PXN: variants seen among roughly 807,000 people sequenced by gnomAD.
The protein encoded by PXN is paxillin, also known as testicular tissue protein Li 134.
Under a neutral mutation model 103.6 loss-of-function variants are expected in PXN, and 61 were observed. The observed-to-expected ratio is 0.59, with a 90% CI of 0.48 to 0.73. The LOEUF (loss-of-function observed/expected upper bound fraction) is 0.73, where lower values mean the gene tolerates loss of function less well. Ranked by LOEUF, PXN falls within the 30% of genes least tolerant of loss-of-function variation. The pLI, the probability that PXN is intolerant of heterozygous loss-of-function variation, is 0.00. For missense variants in PXN, 1,274 were observed against 1,460.3 expected, an observed-to-expected ratio of 0.87 and a Z score of 2.08; for synonymous variants, 562 against 607.8, an observed-to-expected ratio of 0.92 and a Z score of 1.11.
rs1408636019 is a variant in PXN at position 120,224,125 on chromosome 12, C to T, written c.240+26G>A. On this transcript the variant is annotated intron_variant, in intron 2 of 14. Coordinates refer to ENST00000637617, the MANE Select transcript of PXN (RefSeq NM_001385981.1). This position sits in a 1 kb window ranked among gnomAD's most constrained non-coding sequence, Gnocchi z 5.0. ...CCCTCTGTCCCCCAGCCTCCTTGGC[C>T]TTCCCAGCCACTGTCCCCGCCTCAC... is the stretch of plus-strand genomic sequence containing the variant. 1.3e-6 allele frequency: 2 copies of T among 1,503,360 alleles called. No individual in the cohort carries two copies. Among genetic ancestry groups the T allele is most frequent in the Admixed American group, 4.1e-5 (2 of 48,814 alleles). 93.1% of individuals were successfully genotyped at this position (1,503,360 alleles called of 1,614,324 possible). A position where few individuals can be genotyped will look rare whatever the true frequency, so the allele number is the denominator to read the frequency against.
At position 120,223,760 on chromosome 12, in the gene PXN, C is replaced by A; in HGVS notation, c.314G>T (p.Gly105Val). The change falls in exon 3 of 15, where the codon GGC becomes GTC. Residue 105 changes from glycine (G) to valine (V), a missense_variant. Around this residue, in one of 2 missense-constraint regions of PXN, gnomAD observed 1,178 missense variants for 1,309.0 expected, o/e 0.90. Transcript: ENST00000637617. ...SSVSNPQDSV[G>V]SPCSRVGEEE... The stretch of plus-strand genomic sequence containing the variant: ...CTCACCCACTCGGGAGCACGGAGAG[C>A]CAACACTGTCCTGAGGGTTGGAGAC... 1 of 1,608,786 alleles carries A rather than the reference C, an allele frequency of 6.2e-7. No individual in the cohort carries two copies. The highest frequency in any genetic ancestry group is 1.7e-5 in the Admixed American group (1 of 59,296).
chr12:120,241,111 G>A (rs775911198), intron 1 of PXN, among the ~76,000 whole-genome samples: 3 of 152,172 alleles, frequency 2.0e-5, no homozygotes, highest in African/African-American at 4.8e-5. Flanking sequence ...ACTACTCTGG[G>A]GAGAGATCCC....
chr12:120,211,670 AT>A lies in PXN; in HGVS notation c.*643del, dbSNP rs2136147126. On this transcript the variant is annotated 3_prime_UTR_variant, in exon 15 of 15. Coordinates refer to ENST00000637617, the MANE Select transcript of PXN (RefSeq NM_001385981.1). ...ACGGAGGAAGTGACTAGAAAACATT[AT>A]TGCTGGAGAGGCTTTTCTCAGTAGA... 1 of 311,720 alleles carries A rather than the reference AT, an allele frequency of 3.2e-6. No individual in the cohort carries two copies. Among genetic ancestry groups the A allele is most frequent in the African/African-American group, 2.2e-5 (1 of 46,446 alleles). 19.3% of individuals were successfully genotyped at this position (311,720 alleles called of 1,614,324 possible). A position where few individuals can be genotyped will look rare whatever the true frequency, so the allele number is the denominator to read the frequency against.
Position 120,212,805 on chromosome 12 carries a change from A to T in PXN, c.2980-225T>A, listed in dbSNP as rs1880713951. On this transcript the variant is annotated intron_variant, in intron 14 of 14. Coordinates refer to ENST00000637617, the MANE Select transcript of PXN (RefSeq NM_001385981.1). This position sits in a 1 kb window ranked among gnomAD's most constrained non-coding sequence, Gnocchi z 7.2. ...TCACTATATTGCCCATGCTGGTCAA[A>T]TGTGGCCTCCTGCAATCCTCCCACC... is the stretch of plus-strand genomic sequence containing the variant. 2 of 454,124 alleles carry T rather than the reference A, an allele frequency of 4.4e-6. No individual in the cohort carries two copies. The highest frequency in any genetic ancestry group is 7.7e-6 in the Non-Finnish European group (2 of 260,916). 28.1% of individuals were successfully genotyped at this position (454,124 alleles called of 1,614,324 possible).
intron 1 of PXN, among the ~76,000 whole-genome samples, chr12:120,253,867 ATATT>A (rs754474904): frequency 6.6e-6 from 1 of 152,012 alleles, no homozygotes; most frequent in Non-Finnish European, 1.5e-5. Context: ...CTATATACAT[ATATT>A]TATTTATTTA....
At position 120,216,009 on chromosome 12, in the gene PXN, A is replaced by C; in HGVS notation, c.2301+264T>G. 3.0e-6 allele frequency: 4 copies of C among 1,331,164 alleles called. No individual in the cohort carries two copies. The highest frequency in any genetic ancestry group is 3.3e-5 in the Admixed American group (1 of 30,138). The allele number at this position is 1,331,164 out of a possible 1,614,324, so 82.5% of individuals were successfully genotyped here. A position where few individuals can be genotyped will look rare whatever the true frequency, so the allele number is the denominator to read the frequency against. On this transcript the variant is annotated intron_variant, in intron 9 of 14. Coordinates refer to ENST00000637617, the MANE Select transcript of PXN (RefSeq NM_001385981.1). This position sits in a 1 kb window ranked among gnomAD's most constrained non-coding sequence, Gnocchi z 5.1. ...TGGAGTGGCTTCTTTCCTCGATGGG[A>C]GCCCGGGGCAGTACTGAGGACCAGT...
chr12:120,216,441 G>A lies in PXN; in HGVS notation c.2133C>T (p.Ser711=). 6 of 1,378,920 alleles carry A rather than the reference G, an allele frequency of 4.4e-6. No individual in the cohort carries two copies. Among genetic ancestry groups the A allele is most frequent in the South Asian group, 1.8e-5 (1 of 56,938 alleles). 85.4% of individuals were successfully genotyped at this position (1,378,920 alleles called of 1,614,324 possible). A position where few individuals can be genotyped will look rare whatever the true frequency, so the allele number is the denominator to read the frequency against. The part of the protein sequence containing the change: ...SSPLPSLLAS[S]PLGPSAYTCG... ...AGGTATAAGCTGAGGGCCCCAGGGG[G>A]GAGGAGGCGAGCAGGCTGGGCAGGG... The change falls in exon 9 of 15, where the codon TCC becomes TCT. Residue 711 remains serine, a synonymous_variant. Coordinates refer to ENST00000637617, the MANE Select transcript of PXN (RefSeq NM_001385981.1). This position sits in a 1 kb window ranked among gnomAD's most constrained non-coding sequence, Gnocchi z 5.1.
At chr12:120,245,445 AC>A (rs1890903379) in intron 1 of PXN, among the ~76,000 whole-genome samples, 1 of 151,898 alleles carries the variant, frequency 6.6e-6, no homozygotes, top group African/African-American at 2.4e-5. Flanking sequence ...AAAAAAAAAA[AC>A]AAAACAATGT....
At position 120,222,105 on chromosome 12, in the gene PXN, A is replaced by G. The variant is rs967081968; in HGVS notation, c.696-347T>C. Reference sequence around the variant, plus strand: ...AGAGCTCGCGTGTTGGGCACTCACCATGTGTGCCACGCACTACACACCAGA... The same window carrying G: ...AGAGCTCGCGTGTTGGGCACTCACCGTGTGTGCCACGCACTACACACCAGA... On this transcript the variant is annotated intron_variant, in intron 5 of 14. Coordinates refer to ENST00000637617, the MANE Select transcript of PXN (RefSeq NM_001385981.1). This position sits in a 1 kb window ranked among gnomAD's most constrained non-coding sequence, Gnocchi z 4.7. Among the ~76,000 whole-genome samples, 11 of 152,178 alleles carry G rather than the reference A, an allele frequency of 7.2e-5. No individual in the cohort carries two copies. Among genetic ancestry groups the G allele is most frequent in the African/African-American group, 2.7e-4 (11 of 41,434 alleles).
Position 120,212,664 on chromosome 12 carries a change from C to T in PXN, c.2980-84G>A, listed in dbSNP as rs562212125. 2.6e-5 allele frequency: 39 copies of T among 1,506,016 alleles called. No homozygotes were observed. The African/African-American group carries it at 3.1e-4, about 12-fold the overall frequency. 93.3% of individuals were successfully genotyped at this position (1,506,016 alleles called of 1,614,324 possible). On this transcript the variant is annotated intron_variant, in intron 14 of 14. Transcript: ENST00000637617. This position sits in a 1 kb window ranked among gnomAD's most constrained non-coding sequence, Gnocchi z 7.2. Reference sequence around the variant, plus strand: ...GTGATGGGGCCGAGGTGGGCATAGTCGGCACGCTCGGAGTGACTCCTACTT... The same window carrying T: ...GTGATGGGGCCGAGGTGGGCATAGTTGGCACGCTCGGAGTGACTCCTACTT...
At chr12:120,247,919 G>C (rs1891444780) in intron 1 of PXN, 1 of 152,144 alleles carries the variant, frequency 6.6e-6, no homozygotes, top group Non-Finnish European at 1.5e-5. Context: ...GAGGTAAAGA[G>C]GGACATTTCA....
In PXN at chr12:120,221,032, T is replaced by TA. The variant is rs1380649149; in HGVS notation, c.831+590dup. 6.6e-6 allele frequency among the ~76,000 whole-genome samples: 1 copy of TA among 152,072 alleles called. No homozygotes were observed. Among genetic ancestry groups the TA allele is most frequent in the East Asian group, 1.9e-4 (1 of 5,178 alleles). On this transcript the variant is annotated intron_variant, in intron 6 of 14. Coordinates refer to ENST00000637617, the MANE Select transcript of PXN (RefSeq NM_001385981.1). The surrounding 1 kb of genome is among the most constrained non-coding windows in gnomAD (Gnocchi z 6.6). The stretch of plus-strand genomic sequence containing the variant: ...CCCAGCAGGGGAGGGGAAGGGCAGG[T>TA]ACCTCGTGCAAGCCTGGCCCCATGG...
At position 120,219,156 on chromosome 12, in the gene PXN, A is replaced by C; in HGVS notation, c.1716+51T>G. On this transcript the variant is annotated intron_variant, in intron 7 of 14. Coordinates refer to ENST00000637617, the MANE Select transcript of PXN (RefSeq NM_001385981.1). The surrounding 1 kb of genome is among the most constrained non-coding windows in gnomAD (Gnocchi z 6.5). Reference sequence around the variant, plus strand: ...ATGCAGTTAGCGAGGAGCGGCCCACACTCAGACCCGCCAATGGCCATGCCC... The same window carrying C: ...ATGCAGTTAGCGAGGAGCGGCCCACCCTCAGACCCGCCAATGGCCATGCCC... The C allele has an allele frequency of 6.8e-7, 1 of 1,475,056 alleles. No individual in the cohort carries two copies. Among genetic ancestry groups the C allele is most frequent in the Non-Finnish European group, 9.0e-7 (1 of 1,112,980 alleles). 91.4% of individuals were successfully genotyped at this position (1,475,056 alleles called of 1,614,324 possible). A position where few individuals can be genotyped will look rare whatever the true frequency, so the allele number is the denominator to read the frequency against.
rs1384753329 is a variant in PXN at position 120,244,849 on chromosome 12, AAAAT to A, written c.14-20476_14-20473del. Among the ~76,000 whole-genome samples, 40 of 151,784 alleles carry A rather than the reference AAAAT, an allele frequency of 2.6e-4. 1 individual carries two copies. In the East Asian group the frequency reaches 7.5e-3, roughly 29 times the overall value. On this transcript the variant is annotated intron_variant, in intron 1 of 14. Coordinates refer to ENST00000637617, the MANE Select transcript of PXN (RefSeq NM_001385981.1). ...AACAAATAAATAAATAAAATAAAAT[AAAAT>A]AAATAATAAATAATAAAAAAAAATC... is the stretch of plus-strand genomic sequence containing the variant.
At chr12:120,258,194 A>G (rs1014767157) in intron 1 of PXN, among the ~76,000 whole-genome samples, 7 of 107,582 alleles carry the variant, frequency 6.5e-5, no homozygotes, top group African/African-American at 2.0e-4. Context: ...CTCCGTCTCA[A>G]AAAAAAAAAA....
rs1029587905 is a variant in PXN at position 120,216,966 on chromosome 12, T to C, written c.1867A>G (p.Ile623Val). 1.3e-6 allele frequency: 2 copies of C among 1,538,704 alleles called. No homozygotes were observed. The highest frequency in any genetic ancestry group is 1.2e-5 in the South Asian group (1 of 84,454). The change falls in exon 8 of 15, where the codon ATC becomes GTC. Residue 623 changes from isoleucine (I) to valine (V), a missense_variant. Physicochemically the swap from Ile to Val is conservative, Grantham distance 29. Around this residue, in one of 2 missense-constraint regions of PXN, gnomAD observed 1,178 missense variants for 1,309.0 expected, o/e 0.90. Coordinates refer to ENST00000637617, the MANE Select transcript of PXN (RefSeq NM_001385981.1). This position sits in a 1 kb window ranked among gnomAD's most constrained non-coding sequence, Gnocchi z 5.1. Reference protein sequence around the residue: ...LIAELQGRLGIQPEAEEPAEA... With the variant: ...LIAELQGRLGVQPEAEEPAEA... ...GCCGGCTCCTCTGCCTCAGGCTGGATGCCCAGCCGCCCCTGCAGCTCCGCG... is the reference window on the plus strand; with the variant it reads ...GCCGGCTCCTCTGCCTCAGGCTGGACGCCCAGCCGCCCCTGCAGCTCCGCG...
At chr12:120,254,958 G>A (rs1159240229) in intron 1 of PXN, among the ~76,000 whole-genome samples, 2 of 152,134 alleles carry the variant, frequency 1.3e-5, no homozygotes, top group Non-Finnish European at 2.9e-5. Flanking sequence ...GAGAGGGGGC[G>A]CTAACAGAGA....
At chr12:120,236,279 G>A (rs1037093233) in intron 1 of PXN, among the ~76,000 whole-genome samples, 2 of 152,134 alleles carry the variant, frequency 1.3e-5, no homozygotes, top group African/African-American at 2.4e-5. Context: ...ACCAGTCCTT[G>A]GCTAATCATC....
Position 120,215,003 on chromosome 12 carries a change from G to C in PXN, c.2575-5C>G. 6.2e-7 allele frequency: 1 copy of C among 1,612,680 alleles called. No individual in the cohort carries two copies. The highest frequency in any genetic ancestry group is 8.5e-7 in the Non-Finnish European group (1 of 1,179,330). On this transcript the variant is annotated splice_polypyrimidine_tract_variant and splice_region_variant and intron_variant, in intron 11 of 14. Coordinates refer to ENST00000637617, the MANE Select transcript of PXN (RefSeq NM_001385981.1). This position sits in a 1 kb window ranked among gnomAD's most constrained non-coding sequence, Gnocchi z 4.9. ...CTTCCCCATGGCGGTCACAACCTGA[G>C]GAGGAGATGGAATGCGGTCCAGGGC...
Sources: gnomAD v4.1 joint callset for allele counts (sites outside exome capture counted in the v4.1 genomes callset) on GRCh38, gnomAD v4.1.1 for gene constraint, gnomAD v4.1.1 regional missense constraint, Gnocchi (gnomAD v3.1) non-coding constraint, MANE v1.5 for transcripts, NCBI Gene and HGNC (gene_info 2026-07-23, HGNC 2026-07-21) for gene names.